ZNF831: variants seen among roughly 807,000 people sequenced by gnomAD.
ZNF831 encodes the protein chromosome 20 open reading frame 174.
A neutral mutation model predicts 95.8 loss-of-function variants in ZNF831; 59 were observed. The observed-to-expected ratio is 0.62, with a 90% CI of 0.50 to 0.77. The LOEUF is 0.77. Ranked by LOEUF, ZNF831 falls within the 30% of genes least tolerant of loss-of-function variation. The probability of loss-of-function intolerance (pLI) is 0.00; values close to 1 mark genes in which losing one functional copy is unlikely to be tolerated. For synonymous variants in ZNF831, 961 were observed against 925.5 expected (o/e 1.04, Z -0.70); for missense variants, 2,205 against 2,164.0 (o/e 1.02, Z -0.38).
At chr20:59,195,841 G>A (rs1984058996) in intron 2 of ZNF831, 28 bp from the exon 3 acceptor site, 2 of 1,603,216 alleles carry the variant, frequency 1.2e-6, no homozygotes, top group East Asian at 4.5e-5. Flanking sequence ...TTTGAGTAAT[G>A]TGATGCCAAC....
chr20:59,158,853 C>T (rs1469545985), upstream of ZNF831, among the ~76,000 whole-genome samples: 1 of 152,190 alleles, frequency 6.6e-6, no homozygotes, highest in African/African-American at 2.4e-5. Context: ...CCCCACCCCG[C>T]AGCATCTTAC....
At chr20:59,172,524 T>C in intron 1 of ZNF831, among the ~76,000 whole-genome samples, 1 of 152,176 alleles carries the variant, frequency 6.6e-6, no homozygotes, top group South Asian at 2.1e-4. Flanking sequence ...CTGGGTCTTC[T>C]TGAGGCATGC....
At chr20:59,253,191 G>T in intron 5 of ZNF831, 53 bp downstream of exon 5, 1 of 1,588,136 alleles carries the variant, frequency 6.3e-7, no homozygotes, top group South Asian at 1.1e-5. Flanking sequence ...TAGATGTATA[G>T]CCCTGCTTGT....
intron 2 of ZNF831, 126 bp downstream of exon 2, chr20:59,194,883 T>G: frequency 7.5e-7 from 1 of 1,341,302 alleles, no homozygotes; most frequent in South Asian, 1.8e-5. Context: ...GCTTGCTTGT[T>G]CCTGAGGGAG....
intron 1 of ZNF831, among the ~76,000 whole-genome samples, chr20:59,143,746 T>C (rs899463528): frequency 1.8e-4 from 28 of 152,216 alleles, no homozygotes; most frequent in Non-Finnish European, 5.9e-5. Flanking sequence ...AACTTCACTT[T>C]CTCCTTTTCT....
chr20:59,164,733 C>T (rs1234209056), intron 1 of ZNF831, among the ~76,000 whole-genome samples: 2 of 152,104 alleles, frequency 1.3e-5, no homozygotes, highest in African/African-American at 4.8e-5. Flanking sequence ...TTTACAAGGG[C>T]CAATAGTCCA....
At chr20:59,190,424 C>G (rs537100488) in intron 1 of ZNF831, among the ~76,000 whole-genome samples, 1 of 152,302 alleles carries the variant, frequency 6.6e-6, no homozygotes, top group East Asian at 1.9e-4. Context: ...ATCTGGCAAG[C>G]CTTTCCTTGC....
chr20:59,222,390 A>T (rs1404309736), intron 4 of ZNF831, among the ~76,000 whole-genome samples: 3 of 151,888 alleles, frequency 2.0e-5, no homozygotes, highest in Non-Finnish European at 4.4e-5. Context: ...AGCCACGTGG[A>T]TGCTTCTGGA....
At chr20:59,204,516 T>C (rs535509102) in intron 3 of ZNF831, among the ~76,000 whole-genome samples, 1 of 152,204 alleles carries the variant, frequency 6.6e-6, no homozygotes, top group Non-Finnish European at 1.5e-5. Flanking sequence ...ACACCTCCAC[T>C]GCTCTTCTCT....
intron 4 of ZNF831, 110 bp downstream of exon 4, chr20:59,207,166 G>T: frequency 7.4e-7 from 1 of 1,359,748 alleles, no homozygotes; most frequent in East Asian, 2.4e-5. Flanking sequence ...GTGCCACAGG[G>T]GTCAGGCCCA....
intron 1 of ZNF831, among the ~76,000 whole-genome samples, chr20:59,144,378 G>A (rs1439950302): frequency 6.6e-6 from 1 of 152,140 alleles, no homozygotes; most frequent in Non-Finnish European, 1.5e-5. Context: ...TCCTGACATG[G>A]AAGCCTTGAT....
chr20:59,204,472 T>G (rs556914836), intron 3 of ZNF831, among the ~76,000 whole-genome samples: 1 of 152,278 alleles, frequency 6.6e-6, no homozygotes, highest in Non-Finnish European at 1.5e-5. Flanking sequence ...CAGTCCCAGG[T>G]CCTGCTTAGC....
In ZNF831 at chr20:59,191,302, C is replaced by G. The variant is rs2146545747; in HGVS notation, c.283C>G (p.Leu95Val). ...CGTGCCCTTCATACTCAGCCCTGTG[C>G]TGCAGCCTGAAGGGCCTGGCCCCAC... Reference protein sequence around the residue: ...GNVPFILSPVLQPEGPGPTQV... With the variant: ...GNVPFILSPVVQPEGPGPTQV... Residue 95 changes from leucine to valine, a missense_variant, in exon 2 of 6, where the codon CTG (leucine) becomes GTG (valine). Leu to Val is a conservative substitution (Grantham distance 32). Transcript: ENST00000371030. 1 of 1,591,826 alleles carries G rather than the reference C, an allele frequency of 6.3e-7. No individual in the cohort carries two copies. The highest frequency in any genetic ancestry group is 1.1e-5 in the South Asian group (1 of 88,792).
intron 4 of ZNF831, among the ~76,000 whole-genome samples, chr20:59,239,831 C>T (rs113594352): frequency 0.085 from 12,911 of 152,290 alleles, 1,438 homozygotes; most frequent in African/African-American, 0.26. Flanking sequence ...AGGCGTGAGC[C>T]ACCGCACCCG....
chr20:59,241,010 G>A (rs1032929229), intron 4 of ZNF831, among the ~76,000 whole-genome samples: 5 of 151,916 alleles, frequency 3.3e-5, no homozygotes, highest in African/African-American at 7.3e-5. Flanking sequence ...GCTACTGTGC[G>A]TCTAGGAGAT....
intron 4 of ZNF831, among the ~76,000 whole-genome samples, chr20:59,229,217 T>C (rs542455354): frequency 1.3e-5 from 2 of 152,350 alleles, no homozygotes; most frequent in East Asian, 3.9e-4. Flanking sequence ...AGGTATGGGC[T>C]CTTAGGTTGA....
intron 4 of ZNF831, among the ~76,000 whole-genome samples, chr20:59,222,087 C>T (rs187027409): frequency 1.3e-5 from 2 of 152,318 alleles, no homozygotes; most frequent in Admixed American, 1.3e-4. Flanking sequence ...TTCTTTCTGC[C>T]TCCTCCTGTC....
chr20:59,253,871 T>TTTTTTTTTCTTTTCCC, intron 5 of ZNF831, 27 bp from the exon 6 acceptor site: 1 of 629,050 alleles, frequency 1.6e-6, no homozygotes. Context: ...CCCCCCCACT[T>TTTTTTTTTCTTTTCCC]TTTTTTTCCT....
At chr20:59,203,575 T>C (rs1475367164) in intron 3 of ZNF831, among the ~76,000 whole-genome samples, 1 of 152,206 alleles carries the variant, frequency 6.6e-6, no homozygotes, top group Non-Finnish European at 1.5e-5. Flanking sequence ...AAAATATTTA[T>C]TAGCTGGACC....
Sources: allele counts gnomAD v4.1 joint callset (sites outside exome capture counted in the v4.1 genomes callset), GRCh38; gene constraint gnomAD v4.1.1; transcripts MANE v1.5; gene names NCBI Gene and HGNC (gene_info 2026-07-23, HGNC 2026-07-21).